MAGI2: variants seen among roughly 807,000 people sequenced by gnomAD.
The protein encoded by MAGI2 is membrane-associated guanylate kinase, WW and PDZ domain-containing protein 2.
In MAGI2, 35 loss-of-function variants were observed where a neutral mutation model predicts 133.3. That is an observed-to-expected ratio of 0.26 (90% CI 0.20 to 0.35). The LOEUF (loss-of-function observed/expected upper bound fraction) is 0.35. Among genes scored for constraint, MAGI2 ranks in the 10% least tolerant of loss-of-function variants. MAGI2 has a pLI of 1.00. For missense variants in MAGI2, 1,636 were observed against 1,863.4 expected (o/e 0.88, Z 2.25); for synonymous variants, 729 against 710.6 (o/e 1.03, Z -0.41).
At chr7:78,288,955 C>CCAT (rs1796426324) in intron 9 of MAGI2, among the ~76,000 whole-genome samples, 1 of 152,166 alleles carries the variant, frequency 6.6e-6, no homozygotes, top group South Asian at 2.1e-4. Context: ...CTGTACGTCA[C>CCAT]CATCATCAAA....
chr7:78,595,283 C>T (rs1475305470), intron 3 of MAGI2, among the ~76,000 whole-genome samples: 2 of 152,076 alleles, frequency 1.3e-5, no homozygotes, highest in Non-Finnish European at 2.9e-5. Flanking sequence ...GAATATGAGA[C>T]AATATATAAC....
chr7:79,085,269 C>T (rs1041319387), intron 1 of MAGI2, among the ~76,000 whole-genome samples: 1 of 151,798 alleles, frequency 6.6e-6, no homozygotes, highest in African/African-American at 2.4e-5. Context: ...GAGCCCCTCT[C>T]TAAACTTTGT....
At chr7:78,895,743 C>G (rs1797164531) in intron 2 of MAGI2, among the ~76,000 whole-genome samples, 1 of 152,160 alleles carries the variant, frequency 6.6e-6, no homozygotes. Context: ...AGAGCATGGT[C>G]AACTCGATTC....
intron 15 of MAGI2, among the ~76,000 whole-genome samples, chr7:78,161,911 G>A (rs1164025649): frequency 6.6e-6 from 1 of 152,166 alleles, no homozygotes; most frequent in Non-Finnish European, 1.5e-5. Context: ...TAAGAGAACA[G>A]AATGTCAATG....
At chr7:78,020,834 C>A (rs1054350926) in intron 21 of MAGI2, among the ~76,000 whole-genome samples, 2 of 152,038 alleles carry the variant, frequency 1.3e-5, no homozygotes, top group Admixed American at 1.3e-4. Flanking sequence ...AAAAAATCGT[C>A]CTTAATTCCA....
intron 2 of MAGI2, among the ~76,000 whole-genome samples, chr7:78,772,025 A>G (rs1207866): frequency 0.88 from 133,670 of 152,174 alleles, 58,829 homozygotes; most frequent in East Asian, 1. Context: ...CTAAGACCAC[A>G]CAGCACCCCA....
chr7:78,977,847 A>G (rs1804429396), intron 2 of MAGI2, among the ~76,000 whole-genome samples: 1 of 151,874 alleles, frequency 6.6e-6, no homozygotes, highest in Non-Finnish European at 1.5e-5. Flanking sequence ...CAACAATAAG[A>G]GAGCATGCAA....
chr7:78,037,607 A>AT (rs1411463325), intron 21 of MAGI2, among the ~76,000 whole-genome samples: 8 of 152,216 alleles, frequency 5.3e-5, no homozygotes, highest in Non-Finnish European at 1.2e-4. Flanking sequence ...CATTGGAGCC[A>AT]CTTTGTCAGA....
Position 78,765,923 on chromosome 7 carries a change from C to T in MAGI2, c.419-138684G>A, listed in dbSNP as rs146254417. On this transcript the variant is annotated intron_variant, in intron 2 of 21. Transcript: ENST00000354212. The stretch of plus-strand genomic sequence containing the variant: ...AAGCAAAGTGGGTAGAAATGTGTTC[C>T]AGCAGAGGCACCAGCATGTGCTAAG... Among the ~76,000 whole-genome samples the T allele has an allele frequency of 6.1e-3, 926 of 152,260 alleles. 10 individuals are homozygous for T. Among genetic ancestry groups the T allele is most frequent in the African/African-American group, 0.021 (882 of 41,548 alleles).
At chr7:79,250,836 C>T (rs1833192290) in intron 1 of MAGI2, among the ~76,000 whole-genome samples, 2 of 152,264 alleles carry the variant, frequency 1.3e-5, no homozygotes, top group African/African-American at 4.8e-5. Flanking sequence ...CATTACCTGA[C>T]TTCAAATTAT....
chr7:78,940,341 A>T (rs1800866696), intron 2 of MAGI2: 1 of 152,210 alleles, frequency 6.6e-6, no homozygotes, highest in African/African-American at 2.4e-5. Flanking sequence ...ACAGTCATGT[A>T]TAATTATTTA....
At chr7:78,536,402 G>C (rs948023141) in intron 3 of MAGI2, among the ~76,000 whole-genome samples, 5 of 151,986 alleles carry the variant, frequency 3.3e-5, no homozygotes, top group African/African-American at 1.2e-4. Context: ...GTGAGCCACC[G>C]CGCCCGGCCG....
intron 1 of MAGI2, among the ~76,000 whole-genome samples, chr7:79,013,269 T>A (rs1261144941): frequency 6.6e-6 from 1 of 152,168 alleles, no homozygotes; most frequent in African/African-American, 2.4e-5. Context: ...CTCCTTTTGA[T>A]ATTGTTTTCT....
rs1193203483 is a variant in MAGI2 at position 79,192,738 on chromosome 7, T to C, written c.302-185532A>G. Among the ~76,000 whole-genome samples the C allele has an allele frequency of 1.3e-5, 2 of 151,792 alleles. 1 individual carries two copies. The highest frequency in any genetic ancestry group is 4.8e-5 in the African/African-American group (2 of 41,262). On this transcript the variant is annotated intron_variant, in intron 1 of 21. Transcript: ENST00000354212. ...ATAAGAGAGATACAAAGAGGACAAA[T>C]TGGCTTAATAAGCCACAGTGAAGAG...
intron 2 of MAGI2, among the ~76,000 whole-genome samples, chr7:78,706,550 A>C (rs1357093007): frequency 6.6e-6 from 1 of 152,160 alleles, no homozygotes; most frequent in Admixed American, 6.6e-5. Context: ...AAATACACAC[A>C]AAACCAATAT....
chr7:78,513,531 C>G lies in MAGI2; in HGVS notation c.754+7899G>C, dbSNP rs576649358. On this transcript the variant is annotated intron_variant, in intron 4 of 21. Coordinates refer to ENST00000354212, the MANE Select transcript of MAGI2 (RefSeq NM_012301.4). ...CCCAGGGACACAGGTGAAAATCAGA[C>G]CTACAGAGAATATATGACTGTGATT... Among the ~76,000 whole-genome samples, 7 of 152,216 alleles carry G rather than the reference C, an allele frequency of 4.6e-5. No homozygotes were observed. The East Asian group carries it at 1.4e-3, about 29-fold the overall frequency.
chr7:79,279,812 T>C (rs1293547360), intron 1 of MAGI2, among the ~76,000 whole-genome samples: 2 of 152,218 alleles, frequency 1.3e-5, no homozygotes, highest in Non-Finnish European at 2.9e-5. Flanking sequence ...TACCATAACA[T>C]AAAATTTACA....
At chr7:78,856,992 G>C (rs1223280773) in intron 2 of MAGI2, among the ~76,000 whole-genome samples, 1 of 152,066 alleles carries the variant, frequency 6.6e-6, no homozygotes, top group Non-Finnish European at 1.5e-5. Context: ...GGATTCCTAG[G>C]TATTCTATTC....
At chr7:79,233,989 G>A (rs1280470757) in intron 1 of MAGI2, among the ~76,000 whole-genome samples, 25 of 144,762 alleles carry the variant, frequency 1.7e-4, no homozygotes, top group African/African-American at 5.6e-4. Flanking sequence ...GGGCAGGCCT[G>A]GTGGTGACAA....
Sources: allele counts gnomAD v4.1 joint callset (sites outside exome capture counted in the v4.1 genomes callset), GRCh38; gene constraint gnomAD v4.1.1; transcripts MANE v1.5; gene names NCBI Gene and HGNC (gene_info 2026-07-23, HGNC 2026-07-21).